Variants in MYH10 observed in about 807,000 individuals in gnomAD.
The protein encoded by MYH10 is myosin heavy chain 10, also known as myosin-10.
MYH10 carries 55 observed loss-of-function variants against 257.8 expected under a neutral mutation model. The ratio of observed to expected loss-of-function variants is 0.21; its 90% CI spans 0.17 to 0.27. The LOEUF is 0.27. MYH10 is among the 10% of genes least tolerant of loss of function. The pLI is 1.00. For missense variants in MYH10, 1,631 were observed against 2,500.6 expected (o/e 0.65, Z 7.42); for synonymous variants, 854 against 921.7 (o/e 0.93, Z 1.33).
At chr17:8,563,823 T>A (rs1369623931) in intron 7 of MYH10, among the ~76,000 whole-genome samples, 1 of 151,110 alleles carries the variant, frequency 6.6e-6, no homozygotes, top group Non-Finnish European at 1.5e-5. Flanking sequence ...CTTTAACTGC[T>A]GGAGGATACT....
chr17:8,499,672 G>A (rs937194644), intron 29 of MYH10, among the ~76,000 whole-genome samples, 196 bp from the exon 30 acceptor site: 7 of 152,170 alleles, frequency 4.6e-5, no homozygotes, highest in South Asian at 4.1e-4. Flanking sequence ...CGTACACACT[G>A]CTCCGAGGAG....
At chr17:8,530,917 G>C (rs1299867960) in intron 16 of MYH10, among the ~76,000 whole-genome samples, 1 of 152,194 alleles carries the variant, frequency 6.6e-6, no homozygotes, top group Non-Finnish European at 1.5e-5. Context: ...AACTCCCGGT[G>C]TGAGCATTAT....
At chr17:8,547,546 A>C (rs982792474) in intron 11 of MYH10, among the ~76,000 whole-genome samples, 2 of 151,894 alleles carry the variant, frequency 1.3e-5, no homozygotes, top group Non-Finnish European at 2.9e-5. Flanking sequence ...TTGGTTATAA[A>C]AAACGATTAT....
At chr17:8,576,762 C>T in intron 5 of MYH10, 90 bp from the exon 6 acceptor site, 1 of 1,253,446 alleles carries the variant, frequency 8.0e-7, no homozygotes, top group South Asian at 1.3e-5. Flanking sequence ...AGCCAATGTG[C>T]AGTTGAGAAC....
At chr17:8,499,757 G>A (rs1229557174) in intron 29 of MYH10, among the ~76,000 whole-genome samples, 3 of 152,190 alleles carry the variant, frequency 2.0e-5, no homozygotes, top group Admixed American at 1.3e-4. Context: ...TGTCTGCAGA[G>A]TCATCACTCA....
chr17:8,612,082 T>C (rs1255928629), intron 2 of MYH10, among the ~76,000 whole-genome samples: 4 of 152,260 alleles, frequency 2.6e-5, no homozygotes, highest in Non-Finnish European at 4.4e-5. Flanking sequence ...TCTGGCACAA[T>C]TCCGCTCCAT....
intron 3 of MYH10, among the ~76,000 whole-genome samples, chr17:8,602,643 A>C (rs2084655253): frequency 6.6e-6 from 1 of 152,218 alleles, no homozygotes; most frequent in Non-Finnish European, 1.5e-5. Context: ...TCAAACTTTT[A>C]AATTTTTATG....
At chr17:8,508,825 G>A in intron 25 of MYH10, 148 bp from the exon 26 acceptor site, 1 of 841,944 alleles carries the variant, frequency 1.2e-6, no homozygotes, top group Non-Finnish European at 1.8e-6. Context: ...ATCACATGCT[G>A]CAGAACGATG....
intron 4 of MYH10, among the ~76,000 whole-genome samples, chr17:8,587,593 C>A (rs1295236728): frequency 1.3e-5 from 2 of 152,152 alleles, no homozygotes; most frequent in East Asian, 3.9e-4. Flanking sequence ...TCGCGCCCCC[C>A]ACTAGGACCT....
chr17:8,554,138 T>C lies in MYH10; in HGVS notation c.757-120A>G, dbSNP rs1252733698. ...TAGTTACAATAATGGATCTTATATA[T>C]TGCCTCAAACAAAAAGAAAAAAGAA... On this transcript the variant is annotated intron_variant, in intron 7 of 42. Transcript: ENST00000360416. The C allele has an allele frequency of 3.6e-5, 23 of 638,194 alleles. No homozygotes were observed. The East Asian group carries it at 6.6e-4, about 18-fold the overall frequency. 39.5% of individuals were successfully genotyped at this position (638,194 alleles called of 1,614,324 possible). A position where few individuals can be genotyped will look rare whatever the true frequency, so the allele number is the denominator to read the frequency against.
intron 7 of MYH10, among the ~76,000 whole-genome samples, chr17:8,557,072 A>G (rs2082829380): frequency 1.3e-5 from 2 of 152,120 alleles, no homozygotes; most frequent in African/African-American, 4.8e-5. Context: ...CACCCTTCCC[A>G]AAGTGTTACT....
At chr17:8,564,733 T>C (rs535475408) in intron 7 of MYH10, among the ~76,000 whole-genome samples, 2 of 152,306 alleles carry the variant, frequency 1.3e-5, no homozygotes, top group African/African-American at 2.4e-5. Context: ...TGGGGCACTA[T>C]GCTAGGAACC....
Position 8,481,428 on chromosome 17 carries a change from C to T in MYH10, c.5176-18G>A, listed in dbSNP as rs369367307. ...GCAAGTTCCTAAGCAGTGGAGACTG[C>T]GTTAAGCTCTGGCTGTGAATAGTTT... On this transcript the variant is annotated intron_variant, in intron 37 of 42. Transcript: ENST00000360416. 1.9e-3 allele frequency: 3,024 copies of T among 1,610,864 alleles called. 2 individuals are homozygous for T. The highest frequency in any genetic ancestry group is 2.4e-3 in the Non-Finnish European group (2,839 of 1,177,912).
chr17:8,526,166 T>C (rs187009323), intron 17 of MYH10, among the ~76,000 whole-genome samples: 40 of 152,294 alleles, frequency 2.6e-4, no homozygotes, highest in Admixed American at 5.9e-4. Flanking sequence ...GAGAAACACT[T>C]TGGGAAATTC....
rs1057413028 is a variant in MYH10, at chr17:8,552,704, G to A, written c.821-560C>T. Among the ~76,000 whole-genome samples the A allele has an allele frequency of 6.6e-6, 1 of 152,154 alleles. No individual in the cohort carries two copies. Among genetic ancestry groups the A allele is most frequent in the Non-Finnish European group, 1.5e-5 (1 of 68,022 alleles). ...AAAGCCTCCTATATGAGAGGCACTC[G>A]CCCTTCACACTCAGCAGCACATGTA... is the stretch of plus-strand genomic sequence containing the variant. On this transcript the variant is annotated intron_variant, in intron 8 of 42. Transcript: ENST00000360416. The surrounding 1 kb of genome is among the most constrained non-coding windows in gnomAD (Gnocchi z 4.8).
intron 16 of MYH10, among the ~76,000 whole-genome samples, chr17:8,531,190 A>G (rs570652699): frequency 6.6e-6 from 1 of 152,236 alleles, no homozygotes; most frequent in Non-Finnish European, 1.5e-5. Context: ...ACAAATTACC[A>G]TATGACAGAT....
chr17:8,545,433 G>T lies in MYH10; in HGVS notation c.1431+15C>A, dbSNP rs753086300. The T allele has an allele frequency of 6.2e-7, 1 of 1,612,382 alleles. No homozygotes were observed. ...CAAAAAGAAGGACGAGCTAGAGGAAGAGGGGGAAGAATACCTCAAAAATTT... is the reference window on the plus strand; with the variant it reads ...CAAAAAGAAGGACGAGCTAGAGGAATAGGGGGAAGAATACCTCAAAAATTT... On this transcript the variant is annotated intron_variant, in intron 13 of 42. Coordinates refer to ENST00000360416, the MANE Select transcript of MYH10 (RefSeq NM_001256012.3). The surrounding 1 kb of genome is among the most constrained non-coding windows in gnomAD (Gnocchi z 4.7).
chr17:8,595,674 G>A lies in MYH10; in HGVS notation c.503-6566C>T, dbSNP rs375315272. On this transcript the variant is annotated intron_variant, in intron 3 of 42. Coordinates refer to ENST00000360416, the MANE Select transcript of MYH10 (RefSeq NM_001256012.3). The stretch of plus-strand genomic sequence containing the variant: ...TTGAACTCCCAACCTCAGGTGATCC[G>A]CCTGCCTTGGCCTCCCAAAGTGCTG... Among the ~76,000 whole-genome samples, 32 of 152,040 alleles carry A rather than the reference G, an allele frequency of 2.1e-4. No homozygotes were observed. The South Asian group carries it at 4.6e-3, about 22-fold the overall frequency.
chr17:8,489,708 AACACACACACACAC>A (rs59065540), intron 35 of MYH10, among the ~76,000 whole-genome samples: 31 of 93,146 alleles, frequency 3.3e-4, no homozygotes, highest in African/African-American at 1.1e-3. Flanking sequence ...CGTCTGAAAA[AACACACACACACAC>A]ACACACACAC....
Sources: allele counts gnomAD v4.1 joint callset (sites outside exome capture counted in the v4.1 genomes callset), GRCh38; gene constraint gnomAD v4.1.1; non-coding constraint Gnocchi (gnomAD v3.1); transcripts MANE v1.5; gene names NCBI Gene and HGNC (gene_info 2026-07-23, HGNC 2026-07-21).